The following MAP2K6 variants were observed in gnomAD, a reference collection of about 807,000 sequenced individuals.
MAP2K6 encodes dual specificity mitogen-activated protein kinase kinase 6.
MAP2K6 carries 16 observed loss-of-function variants against 53.7 expected under a neutral mutation model. That is an observed-to-expected ratio of 0.30 (90% CI 0.20 to 0.45). The LOEUF (loss-of-function observed/expected upper bound fraction) is 0.45. Ranked by LOEUF, MAP2K6 falls within the 20% of genes least tolerant of loss-of-function variation. The pLI is 1.00. For synonymous variants in MAP2K6, 132 were observed against 143.1 expected, an observed-to-expected ratio of 0.92 and a Z score of 0.55; for missense variants, 204 against 411.9, an observed-to-expected ratio of 0.50 and a Z score of 4.37.
Position 69,532,594 on chromosome 17 carries a change from A to G in MAP2K6, c.882-3521A>G, listed in dbSNP as rs1446567524. Among the ~76,000 whole-genome samples the G allele has an allele frequency of 9.8e-5, 15 of 152,336 alleles. No homozygotes were observed. In the South Asian group the frequency reaches 1.7e-3, roughly 17 times the overall value. ...GAATTTCAAGTACTTCCTACTAAAC[A>G]TGGAAAATTTGCTTTCCCCCCAACC... On this transcript the variant is annotated intron_variant, in intron 10 of 11. Coordinates refer to ENST00000590474, the MANE Select transcript of MAP2K6 (RefSeq NM_002758.4).
intron 1 of MAP2K6, among the ~76,000 whole-genome samples, chr17:69,464,547 A>G (rs1247089172): frequency 6.6e-6 from 1 of 151,870 alleles, no homozygotes; most frequent in African/African-American, 2.4e-5. Context: ...ACGCCTGGCT[A>G]ATTTTTGTAT....
intron 9 of MAP2K6, among the ~76,000 whole-genome samples, chr17:69,525,600 C>T (rs1037319733): frequency 6.6e-5 from 10 of 152,074 alleles, no homozygotes; most frequent in East Asian, 1.9e-4. Context: ...TCTTATATGG[C>T]GGCAGACAAG....
intron 1 of MAP2K6, among the ~76,000 whole-genome samples, chr17:69,449,531 G>GTCTTTCTTTCTTTCTTTCTTTCTT (rs1229807133): frequency 1.9e-5 from 2 of 103,386 alleles, no homozygotes; most frequent in Admixed American, 9.9e-5. Context: ...TTCTTTCTTT[G>GTCTTTCTTTCTTTCTTTCTTTCTT]TCTTTCTTTC....
rs143627401 is a variant in MAP2K6 at position 69,523,566 on chromosome 17, C to T, written c.588C>T (p.Cys196=). Residue 196 remains cysteine, a synonymous_variant, in exon 8 of 12, where the codon TGC becomes TGT. Coordinates refer to ENST00000590474, the MANE Select transcript of MAP2K6 (RefSeq NM_002758.4). The stretch of plus-strand genomic sequence containing the variant: ...ATGCTCTCGGTCAAGTGAAGATGTG[C>T]GATTTTGGAATCAGTGGCTACTTGG... The part of the protein sequence containing the change: ...LINALGQVKM[C]DFGISGYLVD... The T allele has an allele frequency of 3.3e-5, 54 of 1,613,988 alleles. No homozygotes were observed. The Middle Eastern group carries it at 9.9e-4, about 30-fold the overall frequency.
At chr17:69,430,174 T>C (rs895236437) in intron 1 of MAP2K6, among the ~76,000 whole-genome samples, 2 of 151,678 alleles carry the variant, frequency 1.3e-5, no homozygotes, top group Non-Finnish European at 2.9e-5. Context: ...TACAAACATA[T>C]TAAAAAAGTA....
intron 1 of MAP2K6, among the ~76,000 whole-genome samples, chr17:69,497,361 G>C (rs1185741833): frequency 6.6e-6 from 1 of 152,232 alleles, no homozygotes; most frequent in African/African-American, 2.4e-5. Context: ...TGTCGCAGTT[G>C]ACTGGGGAAA....
intron 10 of MAP2K6, among the ~76,000 whole-genome samples, chr17:69,533,257 G>C (rs1435662035): frequency 1.3e-5 from 2 of 152,000 alleles, no homozygotes; most frequent in Non-Finnish European, 2.9e-5. Flanking sequence ...TTTATAAGCT[G>C]TTCCAGAAGT....
rs1024972303 is a variant in MAP2K6 at position 69,505,839 on chromosome 17, A to G, written c.76A>G (p.Ser26Gly). 20 of 1,613,206 alleles carry G rather than the reference A, an allele frequency of 1.2e-5. No individual in the cohort carries two copies. Among genetic ancestry groups the G allele is most frequent in the Non-Finnish European group, 1.5e-5 (18 of 1,179,514 alleles). The change falls in exon 2 of 12, where the codon AGT (serine) becomes GGT (glycine). Residue 26 changes from serine to glycine, a missense_variant. Transcript: ENST00000590474. ...PKEAFEQPQTSSTPPRDLDSK... is the reference protein window; with the variant it reads ...PKEAFEQPQTGSTPPRDLDSK... ...AGAAGCATTTGAACAACCTCAGACC[A>G]GTTCCACGTAAGTTGACAAGACCAT...
At chr17:69,472,696 C>T (rs1908022500) in intron 1 of MAP2K6, among the ~76,000 whole-genome samples, 1 of 152,112 alleles carries the variant, frequency 6.6e-6, no homozygotes, top group Non-Finnish European at 1.5e-5. Flanking sequence ...CATTATCTTA[C>T]TTGTTTTATT....
At chr17:69,436,284 A>T (rs1218696876) in intron 1 of MAP2K6, among the ~76,000 whole-genome samples, 1 of 152,246 alleles carries the variant, frequency 6.6e-6, no homozygotes, top group Non-Finnish European at 1.5e-5. Flanking sequence ...TCACTGCTGG[A>T]TATGCTAATA....
chr17:69,449,543 TTCTTTCTTTCTTTCTTTA>T lies in MAP2K6; in HGVS notation c.16+34545_16+34562del, dbSNP rs1567821736. ...TCTTTCTTTCTTTGTCTTTCTTTCT[TTCTTTCTTTCTTTCTTTA>T]TTTCTTTCTTTCTTTCTTTCTTTCT... is the stretch of plus-strand genomic sequence containing the variant. On this transcript the variant is annotated intron_variant, in intron 1 of 11. Transcript: ENST00000590474. Among the ~76,000 whole-genome samples, 292 of 88,458 alleles carry T rather than the reference TTCTTTCTTTCTTTCTTTA, an allele frequency of 3.3e-3. 4 individuals carry two copies. The East Asian group carries it at 0.047, about 14-fold the overall frequency. The allele number at this position is 88,458 out of a possible 152,430, so 58.0% of individuals were successfully genotyped here. A position where few individuals can be genotyped will look rare whatever the true frequency, so the allele number is the denominator to read the frequency against.
rs1223802597 is a variant in MAP2K6, at chr17:69,494,770, C to G, written c.17-11010C>G. 6.6e-6 allele frequency among the ~76,000 whole-genome samples: 1 copy of G among 152,024 alleles called. No homozygotes were observed. Among genetic ancestry groups the G allele is most frequent in the Non-Finnish European group, 1.5e-5 (1 of 67,984 alleles). On this transcript the variant is annotated intron_variant, in intron 1 of 11. Coordinates refer to ENST00000590474, the MANE Select transcript of MAP2K6 (RefSeq NM_002758.4). This position sits in a 1 kb window ranked among gnomAD's most constrained non-coding sequence, Gnocchi z 4.2. ...CCTGTAATCCCAGCACTTTGGGAGG[C>G]TGGGGCGGGTGGATCACCTGAGGTC...
At chr17:69,490,431 A>G (rs1908696364) in intron 1 of MAP2K6, among the ~76,000 whole-genome samples, 1 of 152,204 alleles carries the variant, frequency 6.6e-6, no homozygotes, top group Non-Finnish European at 1.5e-5. Context: ...GCAGGATCAC[A>G]AGATGCTTCT....
intron 1 of MAP2K6, among the ~76,000 whole-genome samples, chr17:69,490,166 T>A (rs1321179649): frequency 6.6e-6 from 1 of 152,220 alleles, no homozygotes; most frequent in Non-Finnish European, 1.5e-5. Flanking sequence ...GGGAAAGAGC[T>A]GCATTTCTTC....
intron 1 of MAP2K6, among the ~76,000 whole-genome samples, chr17:69,454,410 A>C: frequency 6.6e-6 from 1 of 152,130 alleles, no homozygotes; most frequent in African/African-American, 2.4e-5. Flanking sequence ...TCTGAGACCA[A>C]GTCTTGCTCT....
At chr17:69,539,932 G>A (rs942762754) in intron 11 of MAP2K6, among the ~76,000 whole-genome samples, 6 of 152,188 alleles carry the variant, frequency 3.9e-5, no homozygotes, top group Non-Finnish European at 8.8e-5. Context: ...GAGCTCAGGA[G>A]GAAGGACCTG....
chr17:69,509,791 G>A (rs558968628), intron 2 of MAP2K6, among the ~76,000 whole-genome samples: 6 of 151,904 alleles, frequency 3.9e-5, no homozygotes, highest in Admixed American at 3.3e-4. Context: ...AGGTTGAAAA[G>A]GTTCCCAACT....
intron 10 of MAP2K6, among the ~76,000 whole-genome samples, chr17:69,527,958 A>G (rs1051752979): frequency 1.3e-5 from 2 of 151,938 alleles, no homozygotes; most frequent in Non-Finnish European, 2.9e-5. Flanking sequence ...TCTACTAAAA[A>G]TACAAAAAAT....
intron 1 of MAP2K6, among the ~76,000 whole-genome samples, chr17:69,436,716 G>C (rs992232523): frequency 6.6e-6 from 1 of 152,152 alleles, no homozygotes; most frequent in South Asian, 2.1e-4. Context: ...CTATATAGTT[G>C]ACCCTGAACA....
Sources: gnomAD v4.1 joint callset for allele counts (sites outside exome capture counted in the v4.1 genomes callset) on GRCh38, gnomAD v4.1.1 for gene constraint, Gnocchi (gnomAD v3.1) non-coding constraint, MANE v1.5 for transcripts, NCBI Gene and HGNC (gene_info 2026-07-23, HGNC 2026-07-21) for gene names.